Variants in SORCS2 observed in about 807,000 individuals in gnomAD.
SORCS2 encodes the protein VPS10 domain-containing receptor SorCS2.
In SORCS2, 100 loss-of-function variants were observed where a neutral mutation model predicts 141.6. The observed-to-expected ratio is 0.71, with a 90% CI of 0.60 to 0.83. The LOEUF (loss-of-function observed/expected upper bound fraction) is 0.83, where lower values mean the gene tolerates loss of function less well. SORCS2 is among the 40% of genes least tolerant of loss of function. The probability of loss-of-function intolerance (pLI) is 0.00; values close to 1 mark genes in which losing one functional copy is unlikely to be tolerated. For synonymous variants in SORCS2, 789 were observed against 676.9 expected, an observed-to-expected ratio of 1.17 and a Z score of -2.57; for missense variants, 1,646 against 1,560.2, an observed-to-expected ratio of 1.05 and a Z score of -0.93.
chr4:7,578,941 G>T (rs1210968118), intron 3 of SORCS2, among the ~76,000 whole-genome samples: 1 of 152,206 alleles, frequency 6.6e-6, no homozygotes, highest in Non-Finnish European at 1.5e-5. Context: ...GGCTGTGGGT[G>T]GATGTCAGGG....
At chr4:7,705,180 G>T (rs1725350005) in intron 14 of SORCS2, among the ~76,000 whole-genome samples, 1 of 152,130 alleles carries the variant, frequency 6.6e-6, no homozygotes, top group Admixed American at 6.5e-5. Context: ...GAGGAGGCCG[G>T]GGAGGGAGGA....
At chr4:7,490,163 G>T (rs970763688) in intron 2 of SORCS2, among the ~76,000 whole-genome samples, 6 of 152,182 alleles carry the variant, frequency 3.9e-5, no homozygotes, top group Non-Finnish European at 8.8e-5. Flanking sequence ...AAGGGCCCAG[G>T]GGCCTCTCCC....
intron 1 of SORCS2, among the ~76,000 whole-genome samples, chr4:7,316,233 T>C (rs10009323): frequency 0.6 from 90,214 of 151,272 alleles, 26,953 homozygotes; most frequent in South Asian, 0.73. Flanking sequence ...CATCCATCCA[T>C]CCATCCATCC....
At chr4:7,242,748 G>A (rs548030836) in intron 1 of SORCS2, among the ~76,000 whole-genome samples, 4 of 152,172 alleles carry the variant, frequency 2.6e-5, no homozygotes, top group African/African-American at 9.7e-5. Flanking sequence ...TCCAGACTCC[G>A]TGGCCATTAC....
chr4:7,327,871 G>T (rs943916187), intron 1 of SORCS2, among the ~76,000 whole-genome samples: 1 of 152,020 alleles, frequency 6.6e-6, no homozygotes, highest in African/African-American at 2.4e-5. Context: ...TGCTGTCCTG[G>T]CCAGGGCATT....
At chr4:7,493,268 C>T (rs938643893) in intron 2 of SORCS2, among the ~76,000 whole-genome samples, 1 of 152,176 alleles carries the variant, frequency 6.6e-6, no homozygotes, top group African/African-American at 2.4e-5. Context: ...GTCTCAGGAC[C>T]TAAGTTTAGT....
intron 1 of SORCS2, among the ~76,000 whole-genome samples, chr4:7,356,234 A>G (rs1721245309): frequency 6.6e-6 from 1 of 152,184 alleles, no homozygotes; most frequent in Non-Finnish European, 1.5e-5. Context: ...ACCACCAGAT[A>G]CAGTATGCAT....
intron 8 of SORCS2, among the ~76,000 whole-genome samples, chr4:7,671,940 ACTT>A (rs1371990165): frequency 7.0e-6 from 1 of 142,618 alleles, no homozygotes; most frequent in Admixed American, 6.8e-5. Flanking sequence ...AAAGACAGAA[ACTT>A]TTTTTTTTTT....
At chr4:7,535,357 A>G (rs1460701918) in intron 3 of SORCS2, among the ~76,000 whole-genome samples, 1 of 152,082 alleles carries the variant, frequency 6.6e-6, no homozygotes, top group Non-Finnish European at 1.5e-5. Context: ...GATGTGGGGC[A>G]CCGGGGAGCG....
intron 1 of SORCS2, among the ~76,000 whole-genome samples, chr4:7,271,558 C>A (rs950842583): frequency 6.6e-6 from 1 of 152,228 alleles, no homozygotes; most frequent in Non-Finnish European, 1.5e-5. Flanking sequence ...CCCTTTCTCA[C>A]GTTTCTTTCC....
In SORCS2 at chr4:7,271,587, G is replaced by A. The variant is rs373055057; in HGVS notation, c.480+78461G>A. 2.5e-3 allele frequency among the ~76,000 whole-genome samples: 376 copies of A among 152,310 alleles called. 5 individuals carry two copies. The highest frequency in any genetic ancestry group is 8.0e-3 in the African/African-American group (334 of 41,562). On this transcript the variant is annotated intron_variant, in intron 1 of 26. Coordinates refer to ENST00000507866, the MANE Select transcript of SORCS2 (RefSeq NM_020777.3). ...TCTTTCCAATGGCATTTCCCTCCGG[G>A]ACACGTGTTATCTAAAATGCCATCG...
At chr4:7,207,769 C>T (rs1727831926) in intron 1 of SORCS2, among the ~76,000 whole-genome samples, 1 of 152,180 alleles carries the variant, frequency 6.6e-6, no homozygotes, top group African/African-American at 2.4e-5. Flanking sequence ...TGGAACAAAG[C>T]CCAGCATATT....
At chr4:7,552,034 G>C (rs143196936) in intron 3 of SORCS2, among the ~76,000 whole-genome samples, 7 of 152,192 alleles carry the variant, frequency 4.6e-5, no homozygotes, top group Admixed American at 1.3e-4. Context: ...AGATGCCTAA[G>C]GATGCTGCCG....
rs1046063977 is a variant in SORCS2 at position 7,435,106 on chromosome 4, C to A, written c.548+38751C>A. 49 of 563,708 alleles carry A rather than the reference C, an allele frequency of 8.7e-5. No homozygotes were observed. In the African/African-American group the frequency reaches 8.9e-4, roughly 10 times the overall value. The allele number at this position is 563,708 out of a possible 1,614,324, so 34.9% of individuals were successfully genotyped here. ...TCTTTTCCCCTGGATAAGATAAACT[C>A]TTAGCAGTTTTCTGAGCCTAGCTGA... On this transcript the variant is annotated intron_variant, in intron 2 of 26. Coordinates refer to ENST00000507866, the MANE Select transcript of SORCS2 (RefSeq NM_020777.3).
At chr4:7,240,433 A>C (rs1463152423) in intron 1 of SORCS2, among the ~76,000 whole-genome samples, 1 of 152,164 alleles carries the variant, frequency 6.6e-6, no homozygotes, top group Admixed American at 6.6e-5. Context: ...AGCTGGAATG[A>C]AAGATACACT....
intron 1 of SORCS2, among the ~76,000 whole-genome samples, chr4:7,265,896 T>C (rs932570447): frequency 3.3e-5 from 5 of 152,034 alleles, no homozygotes; most frequent in Admixed American, 1.3e-4. Context: ...CTGTTTGCAG[T>C]CCCCAAATTC....
At chr4:7,408,439 G>T (rs1359243366) in intron 2 of SORCS2, among the ~76,000 whole-genome samples, 1 of 151,682 alleles carries the variant, frequency 6.6e-6, no homozygotes. Flanking sequence ...TTCCTGGCCT[G>T]TATGATTTCC....
chr4:7,679,961 C>G (rs113828726), intron 9 of SORCS2, among the ~76,000 whole-genome samples: 1 of 152,180 alleles, frequency 6.6e-6, no homozygotes, highest in Non-Finnish European at 1.5e-5. Flanking sequence ...CCCAATAACA[C>G]AAACCATCAT....
At chr4:7,203,051 AG>A (rs1210275719) in intron 1 of SORCS2, among the ~76,000 whole-genome samples, 2 of 152,200 alleles carry the variant, frequency 1.3e-5, no homozygotes, top group East Asian at 3.8e-4. Context: ...TCGGTGTGGC[AG>A]GAGGACTTGC....
Sources: gnomAD v4.1 joint callset for allele counts (sites outside exome capture counted in the v4.1 genomes callset) on GRCh38, gnomAD v4.1.1 for gene constraint, MANE v1.5 for transcripts, NCBI Gene and HGNC (gene_info 2026-07-23, HGNC 2026-07-21) for gene names.